TUSC3: variants seen among roughly 807,000 people sequenced by gnomAD.
The protein encoded by TUSC3 is tumor suppressor candidate 3, also known as dolichyl-diphosphooligosaccharide--protein glycosyltransferase subunit TUSC3.
TUSC3 carries 45 observed loss-of-function variants against 44.8 expected under a neutral mutation model. That is an observed-to-expected ratio of 1.00 (90% CI 0.79 to 1.29). The LOEUF (loss-of-function observed/expected upper bound fraction) is 1.29, where lower values mean the gene tolerates loss of function less well. Among genes scored for constraint, TUSC3 ranks in the 50% most tolerant of loss-of-function variants. The pLI is 0.00. For missense variants in TUSC3, 519 were observed against 437.9 expected (o/e 1.19, Z -1.65); for synonymous variants, 212 against 152.9 (o/e 1.39, Z -2.85).
intron 2 of TUSC3, among the ~76,000 whole-genome samples, chr8:15,646,710 T>C (rs1056987338): frequency 6.6e-6 from 1 of 152,106 alleles, no homozygotes; most frequent in African/African-American, 2.4e-5. Context: ...CTTGCACTCA[T>C]CTGATTTGCA....
At chr8:15,591,778 A>G (rs1357902932) in intron 1 of TUSC3, among the ~76,000 whole-genome samples, 1 of 152,186 alleles carries the variant, frequency 6.6e-6, no homozygotes, top group Non-Finnish European at 1.5e-5. Context: ...AGTGGTTATA[A>G]TAAGATTGGA....
Position 15,735,891 on chromosome 8 carries a change from G to GTTT in TUSC3, c.862+5162_862+5163insTTT, listed in dbSNP as rs539526479. ...ATGGGTTTTTTTTTTTTGTTTTTTT[G>GTTT]GTTTTTTTTTGTATTTTTAGTAGAG... On this transcript the variant is annotated intron_variant, in intron 7 of 10. Coordinates refer to ENST00000503731, the MANE Select transcript of TUSC3 (RefSeq NM_006765.4). 2.1e-3 allele frequency among the ~76,000 whole-genome samples: 313 copies of GTTT among 147,262 alleles called. 1 individual carries two copies. Among genetic ancestry groups the GTTT allele is most frequent in the Admixed American group, 4.2e-3 (63 of 14,834 alleles).
At chr8:15,584,914 T>C (rs1455651975) in intron 1 of TUSC3, among the ~76,000 whole-genome samples, 1 of 152,164 alleles carries the variant, frequency 6.6e-6, no homozygotes, top group East Asian at 1.9e-4. Flanking sequence ...ATTTGGAGTG[T>C]TTGTAGTTTA....
intron 1 of TUSC3, among the ~76,000 whole-genome samples, chr8:15,550,667 AGTT>A: frequency 6.6e-6 from 1 of 151,192 alleles, no homozygotes; most frequent in African/African-American, 2.4e-5. Context: ...TTTTTTAATT[AGTT>A]AGTTAATTAT....
At chr8:15,505,772 G>A (rs1300942894) in intron 2 of TUSC3, among the ~76,000 whole-genome samples, 1 of 151,904 alleles carries the variant, frequency 6.6e-6, no homozygotes, top group Non-Finnish European at 1.5e-5. Context: ...GTTTTTTTTA[G>A]TTTTAAACCC....
At chr8:15,578,907 G>A (rs997845156) in intron 1 of TUSC3, among the ~76,000 whole-genome samples, 1 of 152,060 alleles carries the variant, frequency 6.6e-6, no homozygotes, top group South Asian at 2.1e-4. Context: ...GTTCCTCCTT[G>A]TACCTCTGGT....
chr8:15,451,145 G>A (rs978680304), intron 1 of TUSC3, among the ~76,000 whole-genome samples: 1 of 152,106 alleles, frequency 6.6e-6, no homozygotes, highest in Non-Finnish European at 1.5e-5. Flanking sequence ...ATGTGGTTGT[G>A]ATATCATGAT....
In TUSC3 at chr8:15,764,318, G is replaced by C. The variant is rs1812267880; in HGVS notation, c.*162G>C. The C allele has an allele frequency of 3.9e-6, 5 of 1,288,506 alleles. No homozygotes were observed. The highest frequency in any genetic ancestry group is 1.3e-5 in the South Asian group (1 of 76,662). 79.8% of individuals were successfully genotyped at this position (1,288,506 alleles called of 1,614,324 possible). Reference sequence around the variant, plus strand: ...TCATTCATTTCATTGTGATCAGCTAGCTTATTCTTGTGTACTTTTTTTAAA... The same window carrying C: ...TCATTCATTTCATTGTGATCAGCTACCTTATTCTTGTGTACTTTTTTTAAA... On this transcript the variant is annotated 3_prime_UTR_variant, in exon 11 of 11. Coordinates refer to ENST00000503731, the MANE Select transcript of TUSC3 (RefSeq NM_006765.4).
At chr8:15,457,860 C>A (rs925051979) in intron 1 of TUSC3, among the ~76,000 whole-genome samples, 1 of 54,116 alleles carries the variant, frequency 1.8e-5, no homozygotes, top group Admixed American at 2.3e-4. Context: ...TAATAATTAT[C>A]TAATAAATTA....
chr8:15,677,239 G>A (rs1808231235), intron 6 of TUSC3, among the ~76,000 whole-genome samples: 2 of 152,080 alleles, frequency 1.3e-5, no homozygotes, highest in Non-Finnish European at 2.9e-5. Flanking sequence ...GACTCAAGCA[G>A]CTCTCCTGCA....
chr8:15,605,730 T>G (rs1820825), intron 1 of TUSC3, among the ~76,000 whole-genome samples: 2 of 151,860 alleles, frequency 1.3e-5, no homozygotes, highest in South Asian at 2.1e-4. Flanking sequence ...CAAAACTTGT[T>G]AAAACTTAGA....
intron 7 of TUSC3, among the ~76,000 whole-genome samples, chr8:15,731,714 A>C (rs1413253177): frequency 6.6e-6 from 1 of 152,288 alleles, no homozygotes; most frequent in African/African-American, 2.4e-5. Flanking sequence ...AATGAATGTT[A>C]GTCATGCCTA....
chr8:15,632,045 T>C (rs1050760935), intron 2 of TUSC3, among the ~76,000 whole-genome samples: 3 of 152,162 alleles, frequency 2.0e-5, no homozygotes, highest in South Asian at 2.1e-4. Flanking sequence ...ATTATAACTT[T>C]TAAGTAAATT....
At chr8:15,752,133 AAGATCACTGTGGGTCTG>A (rs1811733013) in intron 9 of TUSC3, among the ~76,000 whole-genome samples, 1 of 152,128 alleles carries the variant, frequency 6.6e-6, no homozygotes, top group South Asian at 2.1e-4. Flanking sequence ...ACAGGTGAGA[AAGATCACTGTGGGTCTG>A]AGAAAGGAAG....
intron 1 of TUSC3, among the ~76,000 whole-genome samples, chr8:15,442,060 C>G (rs1185964697): frequency 1.3e-5 from 2 of 152,056 alleles, no homozygotes; most frequent in Non-Finnish European, 1.5e-5. Flanking sequence ...TTTTAAATGG[C>G]TTTCAGAAAA....
intron 1 of TUSC3, among the ~76,000 whole-genome samples, chr8:15,478,241 CAG>C (rs1434744817): frequency 6.6e-4 from 101 of 152,282 alleles, no homozygotes; most frequent in Non-Finnish European, 4.0e-4. Flanking sequence ...GCTGGGATGA[CAG>C]GGGTGAGTTA....
chr8:15,693,712 T>A, intron 6 of TUSC3, among the ~76,000 whole-genome samples: 1 of 152,178 alleles, frequency 6.6e-6, no homozygotes, highest in East Asian at 1.9e-4. Flanking sequence ...TTGGGGAAAT[T>A]TTCACGGATG....
In TUSC3 at chr8:15,624,764, T is replaced by C. The variant is rs78345110; in HGVS notation, c.308+1515T>C. Reference sequence around the variant, plus strand: ...TTTGTGACTTGTATTTTCCTCCTCATTACAGGTCTTTTGCAGGTTTTAATT... The same window carrying C: ...TTTGTGACTTGTATTTTCCTCCTCACTACAGGTCTTTTGCAGGTTTTAATT... On this transcript the variant is annotated intron_variant, in intron 2 of 10. Coordinates refer to ENST00000503731, the MANE Select transcript of TUSC3 (RefSeq NM_006765.4). 9.8e-3 allele frequency among the ~76,000 whole-genome samples: 1,493 copies of C among 152,310 alleles called. 65 individuals are homozygous for C. In the East Asian group the frequency reaches 0.1, roughly 11 times the overall value.
intron 6 of TUSC3, among the ~76,000 whole-genome samples, chr8:15,710,790 T>A (rs901762372): frequency 1.3e-5 from 2 of 148,686 alleles, no homozygotes; most frequent in African/African-American, 4.9e-5. Context: ...TGAATATATA[T>A]ATTTATAAAT....
Sources: allele counts gnomAD v4.1 joint callset (sites outside exome capture counted in the v4.1 genomes callset), GRCh38; gene constraint gnomAD v4.1.1; transcripts MANE v1.5; gene names NCBI Gene and HGNC (gene_info 2026-07-23, HGNC 2026-07-21).